Variants in HPS3 observed in about 807,000 individuals in gnomAD.
HPS3 encodes BLOC-2 complex member HPS3.
Under a neutral mutation model 110.9 loss-of-function variants are expected in HPS3, and 79 were observed. That is an observed-to-expected ratio of 0.71 (90% CI 0.59 to 0.86). The LOEUF is 0.86. HPS3 is among the 40% of genes least tolerant of loss of function. The pLI is 0.00. For missense variants in HPS3, 1,197 were observed against 1,206.2 expected (o/e 0.99, Z 0.11); for synonymous variants, 428 against 451.0 (o/e 0.95, Z 0.65).
intron 5 of HPS3, among the ~76,000 whole-genome samples, chr3:149,148,379 C>T (rs1488787177): frequency 1.3e-5 from 2 of 149,130 alleles, no homozygotes; most frequent in African/African-American, 5.0e-5. Flanking sequence ...CCTATTCTCC[C>T]AGAGTTAAGC....
chr3:149,146,857 G>A (rs79801476), intron 5 of HPS3, among the ~76,000 whole-genome samples: 1 of 152,076 alleles, frequency 6.6e-6, no homozygotes, highest in African/African-American at 2.4e-5. Flanking sequence ...GAGAGCTCAA[G>A]GATTTGAAAA....
Position 149,145,492 on chromosome 3 carries a change from C to G in HPS3, c.1109C>G (p.Pro370Arg). ...SVELMSVYQY[P>R]EKSQQAVLTP... Reference sequence around the variant, plus strand: ...GAATTGATGTCAGTCTACCAGTATCCTGAAAAGTCTCAGCAGGCAGTACTC... The same window carrying G: ...GAATTGATGTCAGTCTACCAGTATCGTGAAAAGTCTCAGCAGGCAGTACTC... The change falls in exon 5 of 17, where the codon CCT becomes CGT. Residue 370 changes from proline (P) to arginine (R), a missense_variant. Physicochemically the swap from Pro to Arg is moderately radical, Grantham distance 103 (BLOSUM62 -2). Transcript: ENST00000296051. 1 of 1,614,068 alleles carries G rather than the reference C, an allele frequency of 6.2e-7. No homozygotes were observed. Among genetic ancestry groups the G allele is most frequent in the Non-Finnish European group, 8.5e-7 (1 of 1,179,978 alleles).
chr3:149,134,411 A>G (rs1215097803), intron 1 of HPS3, among the ~76,000 whole-genome samples: 1 of 152,238 alleles, frequency 6.6e-6, no homozygotes, highest in Non-Finnish European at 1.5e-5. Flanking sequence ...AGACAGGCAT[A>G]CACACAGACA....
chr3:149,164,851 C>T (rs991954350), intron 14 of HPS3, among the ~76,000 whole-genome samples: 3 of 152,140 alleles, frequency 2.0e-5, no homozygotes, highest in South Asian at 4.2e-4. Context: ...CCTAGCTGCC[C>T]TCATGCATCT....
At chr3:149,137,326 G>T (rs192037386) in intron 1 of HPS3, among the ~76,000 whole-genome samples, 1 of 152,182 alleles carries the variant, frequency 6.6e-6, no homozygotes, top group African/African-American at 2.4e-5. Context: ...AGAAATTAAC[G>T]TGTTGGGGAG....
At chr3:149,143,531 G>T (rs1722610831) in intron 4 of HPS3, among the ~76,000 whole-genome samples, 1 of 152,188 alleles carries the variant, frequency 6.6e-6, no homozygotes, top group South Asian at 2.1e-4. Flanking sequence ...GAACACTGTT[G>T]TATCCCTAGA....
chr3:149,158,018 C>T (rs1170455245), intron 9 of HPS3, among the ~76,000 whole-genome samples: 1 of 152,152 alleles, frequency 6.6e-6, no homozygotes, highest in Non-Finnish European at 1.5e-5. Context: ...TGTTAAACAG[C>T]TCTAATCATT....
In HPS3 at chr3:149,167,234, G is replaced by A. The variant is rs551986971; in HGVS notation, c.2790G>A (p.Glu930=). ...IPYANHELKE[E]NRTLWWKKLL... ...ATGCTAATCATGAACTGAAAGAAGA[G>A]AACCGGGTATGCTTTTTCAGATTAT... is the stretch of plus-strand genomic sequence containing the variant. The change falls in exon 15 of 17, where the codon GAG becomes GAA. Residue 930 remains glutamate (E), a synonymous_variant. Coordinates refer to ENST00000296051, the MANE Select transcript of HPS3 (RefSeq NM_032383.5). 29 of 1,611,300 alleles carry A rather than the reference G, an allele frequency of 1.8e-5. No individual in the cohort carries two copies. The South Asian group carries it at 3.2e-4, about 18-fold the overall frequency.
At chr3:149,150,800 G>A (rs1723057428) in intron 6 of HPS3, 120 bp downstream of exon 6, 3 of 800,004 alleles carry the variant, frequency 3.7e-6, no homozygotes, top group South Asian at 1.4e-5. Flanking sequence ...GTTGTCTAAT[G>A]TATTGAATTA....
chr3:149,145,612 A>C lies in HPS3; in HGVS notation c.1163+66A>C, dbSNP rs1041619975. ...TTTGTAAATTTTTGAGGTACTTCCT[A>C]AATCTGTGAGAATTGTGTGAACTAG... On this transcript the variant is annotated intron_variant, in intron 5 of 16. Coordinates refer to ENST00000296051, the MANE Select transcript of HPS3 (RefSeq NM_032383.5). The C allele has an allele frequency of 2.5e-6, 3 of 1,198,978 alleles. No individual in the cohort carries two copies. In the African/African-American group the frequency reaches 4.5e-5, roughly 18 times the overall value. 74.3% of individuals were successfully genotyped at this position (1,198,978 alleles called of 1,614,324 possible). A position where few individuals can be genotyped will look rare whatever the true frequency, so the allele number is the denominator to read the frequency against.
At chr3:149,137,317 G>A (rs78284801) in intron 1 of HPS3, among the ~76,000 whole-genome samples, 3,617 of 152,266 alleles carry the variant, frequency 0.024, 64 homozygotes, top group Middle Eastern at 0.044. Context: ...TAATAAAACA[G>A]AAATTAACGT....
chr3:149,145,642 G>A, intron 5 of HPS3, 96 bp downstream of exon 5: 1 of 951,118 alleles, frequency 1.1e-6, no homozygotes, highest in Non-Finnish European at 1.7e-6. Context: ...AACTAGCATA[G>A]AGTACTATAA....
chr3:149,147,516 A>G (rs1433279014), intron 5 of HPS3, among the ~76,000 whole-genome samples: 2 of 152,138 alleles, frequency 1.3e-5, no homozygotes, highest in Non-Finnish European at 2.9e-5. Context: ...AAAGGAATAT[A>G]CTAATTTCTG....
chr3:149,145,488 T>G lies in HPS3; in HGVS notation c.1105T>G (p.Tyr369Asp). Reference protein sequence around the residue: ...KSVELMSVYQYPEKSQQAVLT... With the variant: ...KSVELMSVYQDPEKSQQAVLT... ...TGTTGAATTGATGTCAGTCTACCAG[T>G]ATCCTGAAAAGTCTCAGCAGGCAGT... Residue 369 changes from tyrosine (Y) to aspartate (D), a missense_variant, in exon 5 of 17, where the codon TAT becomes GAT. By Grantham distance (160) the Tyr-to-Asp change is radical (BLOSUM62 -3). Coordinates refer to ENST00000296051, the MANE Select transcript of HPS3 (RefSeq NM_032383.5). 6.2e-7 allele frequency: 1 copy of G among 1,614,190 alleles called. No homozygotes were observed. The highest frequency in any genetic ancestry group is 8.5e-7 in the Non-Finnish European group (1 of 1,180,016).
At chr3:149,167,002 C>T (rs1328471090) in intron 14 of HPS3, 32 bp from the exon 15 acceptor site, 2 of 1,539,392 alleles carry the variant, frequency 1.3e-6, no homozygotes, top group Non-Finnish European at 1.8e-6. Flanking sequence ...TGAGGTGCCT[C>T]ATTTCATAAC....
At chr3:149,162,953 C>G in intron 13 of HPS3, 75 bp downstream of exon 13, 1 of 1,224,276 alleles carries the variant, frequency 8.2e-7, no homozygotes, top group Non-Finnish European at 1.2e-6. Flanking sequence ...TTTTTAATAA[C>G]TTATTATAAA....
At chr3:149,145,945 A>G (rs1722761515) in intron 5 of HPS3, among the ~76,000 whole-genome samples, 1 of 152,194 alleles carries the variant, frequency 6.6e-6, no homozygotes, top group Non-Finnish European at 1.5e-5. Flanking sequence ...ATAATAGTTT[A>G]GAACTGTGAA....
At chr3:149,147,513 T>A (rs1176124813) in intron 5 of HPS3, among the ~76,000 whole-genome samples, 1 of 152,118 alleles carries the variant, frequency 6.6e-6, no homozygotes, top group African/African-American at 2.4e-5. Flanking sequence ...AAGAAAGGAA[T>A]ATACTAATTT....
At chr3:149,159,181 G>A (rs535233257) in intron 10 of HPS3, among the ~76,000 whole-genome samples, 2 of 152,166 alleles carry the variant, frequency 1.3e-5, no homozygotes, top group African/African-American at 4.8e-5. Flanking sequence ...AGTCCTTCCC[G>A]CAACCCTAAT....
Sources: allele counts gnomAD v4.1 joint callset (sites outside exome capture counted in the v4.1 genomes callset), GRCh38; gene constraint gnomAD v4.1.1; transcripts MANE v1.5; gene names NCBI Gene and HGNC (gene_info 2026-07-23, HGNC 2026-07-21).